EXOC6B: variants seen among roughly 807,000 people sequenced by gnomAD.
The protein encoded by EXOC6B is exocyst complex component 6B.
Under a neutral mutation model 113.5 loss-of-function variants are expected in EXOC6B, and 54 were observed. The observed-to-expected ratio is 0.48, with a 90% CI of 0.38 to 0.60. EXOC6B has a LOEUF of 0.60. Among genes scored for constraint, EXOC6B ranks in the 20% least tolerant of loss-of-function variants. The probability of loss-of-function intolerance (pLI) is 0.00; values close to 1 mark genes in which losing one functional copy is unlikely to be tolerated. For synonymous variants in EXOC6B, 357 were observed against 339.0 expected (o/e 1.05, Z -0.58); for missense variants, 797 against 977.5 (o/e 0.82, Z 2.46).
At chr2:72,706,794 T>C (rs1033183190) in intron 6 of EXOC6B, among the ~76,000 whole-genome samples, 4 of 152,218 alleles carry the variant, frequency 2.6e-5, no homozygotes, top group Non-Finnish European at 5.9e-5. Context: ...TAGGTGTCTA[T>C]GACCCCTTCC....
intron 6 of EXOC6B, among the ~76,000 whole-genome samples, chr2:72,600,510 A>C (rs2103995336): frequency 1.3e-5 from 2 of 152,134 alleles, no homozygotes; most frequent in Admixed American, 6.6e-5. Context: ...GAACAGAAAA[A>C]TAAATCAAAA....
chr2:72,273,235 G>A (rs1347112725), intron 20 of EXOC6B, among the ~76,000 whole-genome samples: 1 of 152,030 alleles, frequency 6.6e-6, no homozygotes, highest in African/African-American at 2.4e-5. Context: ...TAATTTCTAA[G>A]CATCTATCTC....
chr2:72,388,323 T>C (rs1158363491), intron 18 of EXOC6B, among the ~76,000 whole-genome samples: 2 of 152,186 alleles, frequency 1.3e-5, no homozygotes, highest in African/African-American at 2.4e-5. Context: ...TTTAGAAAAA[T>C]GTTGTCTAAT....
chr2:72,204,296 G>A (rs893059927), intron 20 of EXOC6B, among the ~76,000 whole-genome samples: 1 of 152,042 alleles, frequency 6.6e-6, no homozygotes, highest in East Asian at 1.9e-4. Flanking sequence ...ACCTCTCCCT[G>A]AGCTCCCCGC....
intron 19 of EXOC6B, among the ~76,000 whole-genome samples, chr2:72,353,499 G>A (rs532588097): frequency 5.2e-4 from 79 of 152,060 alleles, no homozygotes; most frequent in African/African-American, 1.8e-3. Context: ...AGCCTCCCGA[G>A]TAGCTGGGAT....
intron 20 of EXOC6B, among the ~76,000 whole-genome samples, chr2:72,190,386 T>G (rs896626330): frequency 6.6e-6 from 1 of 152,176 alleles, no homozygotes. Context: ...GCTATGTTCA[T>G]TTTTCACTGC....
intron 20 of EXOC6B, among the ~76,000 whole-genome samples, chr2:72,264,924 G>A (rs1683965339): frequency 1.3e-5 from 2 of 152,116 alleles, no homozygotes; most frequent in Non-Finnish European, 2.9e-5. Context: ...CTAGTCTCAA[G>A]TATGTCCTTA....
intron 1 of EXOC6B, among the ~76,000 whole-genome samples, chr2:72,750,711 A>T (rs996566550): frequency 6.6e-6 from 1 of 152,122 alleles, no homozygotes; most frequent in Non-Finnish European, 1.5e-5. Context: ...CACTCATACT[A>T]TCAATCTTCT....
intron 1 of EXOC6B, among the ~76,000 whole-genome samples, chr2:72,809,905 A>G (rs1348832333): frequency 2.6e-5 from 4 of 152,208 alleles, no homozygotes; most frequent in African/African-American, 9.6e-5. Flanking sequence ...GATTTACTCA[A>G]TATTTATAAA....
At chr2:72,523,031 T>G (rs1417554285) in intron 8 of EXOC6B, among the ~76,000 whole-genome samples, 1 of 152,306 alleles carries the variant, frequency 6.6e-6, no homozygotes, top group East Asian at 1.9e-4. Flanking sequence ...AGTGACAACT[T>G]TGAATTCTTC....
chr2:72,589,068 A>T (rs889767165), intron 6 of EXOC6B, among the ~76,000 whole-genome samples: 20 of 152,148 alleles, frequency 1.3e-4, no homozygotes, highest in African/African-American at 4.6e-4. Context: ...ACACCAGAAA[A>T]GAGTCACGAT....
At chr2:72,663,043 C>T (rs1307514554) in intron 6 of EXOC6B, among the ~76,000 whole-genome samples, 1 of 152,130 alleles carries the variant, frequency 6.6e-6, no homozygotes, top group Non-Finnish European at 1.5e-5. Context: ...AAAAGTAAAA[C>T]TGCACCTACC....
chr2:72,249,379 C>T (rs905227354), intron 20 of EXOC6B, among the ~76,000 whole-genome samples: 6 of 151,968 alleles, frequency 3.9e-5, no homozygotes, highest in South Asian at 2.1e-4. Context: ...CTCATCCTCC[C>T]GAGTAGCTGG....
chr2:72,257,246 C>T (rs1463665279), intron 20 of EXOC6B, among the ~76,000 whole-genome samples: 2 of 152,076 alleles, frequency 1.3e-5, no homozygotes, highest in African/African-American at 4.8e-5. Context: ...TTTTAGAAGT[C>T]ACGGAGCTTA....
intron 16 of EXOC6B, among the ~76,000 whole-genome samples, chr2:72,488,099 T>A (rs1049157010): frequency 6.6e-6 from 1 of 152,222 alleles, no homozygotes; most frequent in African/African-American, 2.4e-5. Flanking sequence ...GGTCACCAAC[T>A]TATTCCAAAT....
intron 16 of EXOC6B, 145 bp from the exon 17 acceptor site, chr2:72,480,895 G>C: frequency 1.3e-6 from 1 of 783,258 alleles, no homozygotes; most frequent in Non-Finnish European, 2.0e-6. Flanking sequence ...TTAAAGCATG[G>C]GCTTTCATGT....
intron 20 of EXOC6B, among the ~76,000 whole-genome samples, chr2:72,323,312 G>A (rs766680092): frequency 6.6e-6 from 1 of 152,086 alleles, no homozygotes; most frequent in African/African-American, 2.4e-5. Context: ...TTAGAATGGT[G>A]ATCATTAAAA....
At chr2:72,264,963 A>G (rs1450043592) in intron 20 of EXOC6B, among the ~76,000 whole-genome samples, 2 of 152,090 alleles carry the variant, frequency 1.3e-5, no homozygotes, top group African/African-American at 2.4e-5. Flanking sequence ...CTAATACAGT[A>G]CATTGGTACC....
chr2:72,654,388 T>C (rs1332946480), intron 6 of EXOC6B, among the ~76,000 whole-genome samples: 3 of 152,242 alleles, frequency 2.0e-5, no homozygotes, highest in African/African-American at 7.2e-5. Context: ...ATCCCAAAGT[T>C]AGTTTCCTAA....
Sources: gnomAD v4.1 joint callset for allele counts (sites outside exome capture counted in the v4.1 genomes callset) on GRCh38, gnomAD v4.1.1 for gene constraint, MANE v1.5 for transcripts, NCBI Gene and HGNC (gene_info 2026-07-23, HGNC 2026-07-21) for gene names.